ERG: variants seen among roughly 807,000 people sequenced by gnomAD.
ERG encodes transcriptional regulator ERG.
Under a neutral mutation model 55.3 loss-of-function variants are expected in ERG, and 9 were observed. The ratio of observed to expected loss-of-function variants is 0.16; its 90% CI spans 0.10 to 0.28. The LOEUF is 0.28. ERG is among the 10% of genes least tolerant of loss of function. The pLI, the probability that ERG is intolerant of heterozygous loss-of-function variation, is 1.00. For synonymous variants in ERG, 223 were observed against 237.3 expected (o/e 0.94, Z 0.55); for missense variants, 434 against 631.6 (o/e 0.69, Z 3.35).
intron 1 of ERG, among the ~76,000 whole-genome samples, chr21:38,650,897 G>A (rs1222039099): frequency 6.6e-6 from 1 of 152,168 alleles, no homozygotes; most frequent in Non-Finnish European, 1.5e-5. Flanking sequence ...ACATTTAGTT[G>A]ATGTGCTTTC....
At chr21:38,404,356 G>T (rs952247803) in intron 3 of ERG, among the ~76,000 whole-genome samples, 1 of 152,162 alleles carries the variant, frequency 6.6e-6, no homozygotes, top group Non-Finnish European at 1.5e-5. Flanking sequence ...CAGGAGTGGG[G>T]TTGGTGAGTG....
intron 2 of ERG, among the ~76,000 whole-genome samples, chr21:38,437,060 G>A (rs537501356): frequency 6.6e-6 from 1 of 152,004 alleles, no homozygotes; most frequent in South Asian, 2.1e-4. Flanking sequence ...GCTAACTTCT[G>A]TATTTTTTGT....
At chr21:38,384,257 T>A (rs766358654) in intron 9 of ERG, among the ~76,000 whole-genome samples, 2 of 152,162 alleles carry the variant, frequency 1.3e-5, no homozygotes, top group East Asian at 3.9e-4. Context: ...AGGGCTCCCG[T>A]GGGATTGGGC....
Position 38,528,665 on chromosome 21 carries a change from G to A in ERG, c.-41+46997C>T, listed in dbSNP as rs1356488970. ...GGGTTTCACCTTGTTAGCCAGGATG[G>A]TCTCGATCTCCTGACCTCATGATCC... On this transcript the variant is annotated intron_variant, in intron 2 of 8. Transcript: ENST00000398897. Among the ~76,000 whole-genome samples, 3 of 42,564 alleles carry A rather than the reference G, an allele frequency of 7.0e-5. 1 individual carries two copies. The highest frequency in any genetic ancestry group is 2.6e-4 in the Admixed American group (1 of 3,850). 27.9% of individuals were successfully genotyped at this position (42,564 alleles called of 152,430 possible). A position where few individuals can be genotyped will look rare whatever the true frequency, so the allele number is the denominator to read the frequency against.
chr21:38,463,537 T>G (rs550383882), intron 1 of ERG, among the ~76,000 whole-genome samples: 4 of 152,342 alleles, frequency 2.6e-5, no homozygotes, highest in African/African-American at 9.6e-5. Context: ...GCTCCTGGTA[T>G]GCAGGTGCCA....
intron 2 of ERG, among the ~76,000 whole-genome samples, chr21:38,514,054 T>C (rs1017490769): frequency 2.6e-5 from 4 of 151,790 alleles, no homozygotes; most frequent in Non-Finnish European, 4.4e-5. Flanking sequence ...GAAAATATAA[T>C]TTACCAAAAC....
intron 2 of ERG, among the ~76,000 whole-genome samples, chr21:38,512,636 T>C (rs2059521345): frequency 6.6e-6 from 1 of 152,222 alleles, no homozygotes; most frequent in Non-Finnish European, 1.5e-5. Flanking sequence ...TATATTAGCA[T>C]ATGCAGAGAA....
chr21:38,412,834 G>A (rs775508578), intron 3 of ERG, among the ~76,000 whole-genome samples: 4 of 152,016 alleles, frequency 2.6e-5, no homozygotes, highest in African/African-American at 4.8e-5. Flanking sequence ...TGTAATTTGC[G>A]GGTGGCAGAG....
At chr21:38,581,605 GA>G (rs1238038310) in intron 1 of ERG, among the ~76,000 whole-genome samples, 2 of 152,178 alleles carry the variant, frequency 1.3e-5, no homozygotes, top group Non-Finnish European at 2.9e-5. Context: ...AGAGGAGCTA[GA>G]AATTGAGTTG....
At chr21:38,400,485 T>C (rs1210183668) in intron 6 of ERG, 89 bp downstream of exon 6, 8 of 1,030,856 alleles carry the variant, frequency 7.8e-6, no homozygotes, top group Non-Finnish European at 1.2e-5. Flanking sequence ...GGATCAGCTC[T>C]CTTTGTATCA....
intron 2 of ERG, among the ~76,000 whole-genome samples, chr21:38,518,889 T>C (rs955383478): frequency 1.3e-5 from 2 of 152,148 alleles, no homozygotes; most frequent in East Asian, 1.9e-4. Flanking sequence ...CTTTAACACA[T>C]CTAATCTACT....
intron 1 of ERG, among the ~76,000 whole-genome samples, chr21:38,482,916 G>A (rs573101123): frequency 2.0e-5 from 3 of 152,284 alleles, no homozygotes; most frequent in African/African-American, 7.2e-5. Flanking sequence ...GGCCTCAAGT[G>A]ATCCACCTAC....
intron 1 of ERG, among the ~76,000 whole-genome samples, chr21:38,482,040 T>G (rs989740674): frequency 1.3e-4 from 20 of 152,210 alleles, no homozygotes; most frequent in African/African-American, 4.3e-4. Flanking sequence ...GCAAGTGTCA[T>G]GTAGCAAAAT....
At chr21:38,517,432 T>C (rs547463827) in intron 2 of ERG, among the ~76,000 whole-genome samples, 2 of 152,142 alleles carry the variant, frequency 1.3e-5, no homozygotes, top group East Asian at 1.9e-4. Context: ...TTAGTTAGAA[T>C]GGCAATTATT....
downstream of ERG, among the ~76,000 whole-genome samples, chr21:38,379,635 G>A (rs374879138): frequency 4.6e-5 from 7 of 151,936 alleles, 1 homozygote; most frequent in East Asian, 7.7e-4. Context: ...ACATTTTTTT[G>A]TGAGAAGATA....
chr21:38,494,933 G>C (rs1411528198), intron 1 of ERG, among the ~76,000 whole-genome samples: 1 of 152,250 alleles, frequency 6.6e-6, no homozygotes, highest in African/African-American at 2.4e-5. Context: ...GTAGTTGCCT[G>C]TAAAGCCACT....
rs1218191074 is a variant in ERG, at chr21:38,478,944, C to T, written c.18+19419G>A. Among the ~76,000 whole-genome samples, 15 of 152,258 alleles carry T rather than the reference C, an allele frequency of 9.9e-5. No individual in the cohort carries two copies. The East Asian group carries it at 2.7e-3, about 27-fold the overall frequency. On this transcript the variant is annotated intron_variant, in intron 1 of 9. Coordinates refer to ENST00000288319, the MANE Select transcript of ERG (RefSeq NM_182918.4). ...GGCTGCCTAAGTAACAAACTCCCCA[C>T]GTGTGCTTCTGACGAACTGTGTGGG... is the stretch of plus-strand genomic sequence containing the variant.
chr21:38,530,302 C>G (rs2059662989), intron 2 of ERG, among the ~76,000 whole-genome samples: 1 of 152,078 alleles, frequency 6.6e-6, no homozygotes, highest in African/African-American at 2.4e-5. Flanking sequence ...TCAAGTGATC[C>G]ACCCGCCTCG....
intron 1 of ERG, among the ~76,000 whole-genome samples, chr21:38,492,090 A>C (rs960819): frequency 0.36 from 55,265 of 151,968 alleles, 11,739 homozygotes; most frequent in African/African-American, 0.6. Context: ...ACAGTAATTC[A>C]CTATGTACAG....
Sources: allele counts gnomAD v4.1 joint callset (sites outside exome capture counted in the v4.1 genomes callset), GRCh38; gene constraint gnomAD v4.1.1; transcripts MANE v1.5; gene names NCBI Gene and HGNC (gene_info 2026-07-23, HGNC 2026-07-21).